DENND1B: variants seen among roughly 807,000 people sequenced by gnomAD.
DENND1B encodes DENN domain-containing protein 1B.
In DENND1B, 59 loss-of-function variants were observed where a neutral mutation model predicts 90.1. That is an observed-to-expected ratio of 0.65 (90% CI 0.53 to 0.81). The LOEUF is 0.81. DENND1B is among the 40% of genes least tolerant of loss of function. The pLI is 0.00. For missense variants in DENND1B, 862 were observed against 912.6 expected (o/e 0.94, Z 0.71); for synonymous variants, 337 against 324.6 (o/e 1.04, Z -0.41).
chr1:197,728,197 T>G (rs1400056243), intron 2 of DENND1B, among the ~76,000 whole-genome samples: 2 of 152,172 alleles, frequency 1.3e-5, no homozygotes, highest in Non-Finnish European at 2.9e-5. Context: ...TACAATTGTT[T>G]AAAAACTCCC....
upstream of DENND1B, among the ~76,000 whole-genome samples, chr1:197,780,616 T>C (rs548246118): frequency 6.6e-6 from 1 of 152,246 alleles, no homozygotes; most frequent in South Asian, 2.1e-4. Flanking sequence ...AGGTGGCTCT[T>C]GTAGCTACTT....
At chr1:197,682,206 TATTA>T (rs1656763085) in intron 3 of DENND1B, among the ~76,000 whole-genome samples, 1 of 152,060 alleles carries the variant, frequency 6.6e-6, no homozygotes, top group Non-Finnish European at 1.5e-5. Flanking sequence ...AGTGGCATAT[TATTA>T]ATTATTTATT....
chr1:197,640,629 C>G (rs1280053512), intron 10 of DENND1B, among the ~76,000 whole-genome samples: 1 of 152,086 alleles, frequency 6.6e-6, no homozygotes, highest in East Asian at 1.9e-4. Flanking sequence ...ATTGCTCCTA[C>G]TCTACACTTA....
At chr1:197,757,421 T>C (rs900171590) in intron 2 of DENND1B, 5 of 152,142 alleles carry the variant, frequency 3.3e-5, no homozygotes, top group Non-Finnish European at 7.3e-5. Context: ...AATAAGAACA[T>C]ATTGATCCCC....
chr1:197,555,766 T>C (rs561255700), intron 15 of DENND1B, among the ~76,000 whole-genome samples: 2 of 152,172 alleles, frequency 1.3e-5, no homozygotes, highest in East Asian at 3.9e-4. Flanking sequence ...AGAGTGCAAA[T>C]TAGTTCAGGC....
chr1:197,527,567 C>T (rs567503183), intron 20 of DENND1B, among the ~76,000 whole-genome samples: 1 of 152,166 alleles, frequency 6.6e-6, no homozygotes, highest in South Asian at 2.1e-4. Flanking sequence ...CAGGCATGAG[C>T]GACTGTGCCT....
intron 6 of DENND1B, among the ~76,000 whole-genome samples, chr1:197,657,040 C>T (rs1252473596): frequency 3.3e-5 from 5 of 151,832 alleles, no homozygotes; most frequent in Admixed American, 6.6e-5. Context: ...AAAGCACAGG[C>T]AACAAAAGAC....
chr1:197,652,742 T>C (rs893900302), intron 6 of DENND1B, among the ~76,000 whole-genome samples: 2 of 152,134 alleles, frequency 1.3e-5, no homozygotes, highest in East Asian at 1.9e-4. Flanking sequence ...AGAAACAATT[T>C]AAGTAAGATT....
At chr1:197,596,096 C>T (rs1401879575) in intron 13 of DENND1B, among the ~76,000 whole-genome samples, 3 of 151,904 alleles carry the variant, frequency 2.0e-5, no homozygotes, top group Admixed American at 6.6e-5. Flanking sequence ...AGTATCATTG[C>T]CTCATGAACC....
intron 3 of DENND1B, among the ~76,000 whole-genome samples, chr1:197,697,435 G>A (rs943534481): frequency 6.6e-6 from 1 of 151,396 alleles, no homozygotes; most frequent in African/African-American, 2.4e-5. Context: ...GCTACAATAG[G>A]GTATCACACT....
intron 2 of DENND1B, chr1:197,734,789 A>C: frequency 1.0e-6 from 1 of 983,670 alleles, no homozygotes; most frequent in Non-Finnish European, 1.2e-6. Context: ...TTTAGGAGAA[A>C]CATAAATATG....
chr1:197,540,911 A>C, intron 19 of DENND1B, 48 bp downstream of exon 19: 1 of 1,540,142 alleles, frequency 6.5e-7, no homozygotes, highest in South Asian at 1.2e-5. Context: ...TAAACTTCAA[A>C]CTAATACAAG....
intron 20 of DENND1B, among the ~76,000 whole-genome samples, chr1:197,525,403 C>T (rs1165823593): frequency 1.3e-5 from 2 of 151,824 alleles, no homozygotes; most frequent in African/African-American, 4.8e-5. Flanking sequence ...AGTCAGTAAC[C>T]CTTTGATAAA....
At chr1:197,716,536 AT>A (rs1278567160) in intron 2 of DENND1B, among the ~76,000 whole-genome samples, 2 of 151,870 alleles carry the variant, frequency 1.3e-5, no homozygotes, top group Non-Finnish European at 1.5e-5. Flanking sequence ...ATTAAAAAAA[AT>A]AGACATATAT....
intron 13 of DENND1B, among the ~76,000 whole-genome samples, chr1:197,602,459 G>A (rs1307698416): frequency 6.6e-6 from 1 of 151,478 alleles, no homozygotes; most frequent in Non-Finnish European, 1.5e-5. Context: ...TACTCTAGAA[G>A]CTGAATGAAT....
At chr1:197,610,037 A>G (rs1311783117) in intron 12 of DENND1B, among the ~76,000 whole-genome samples, 1 of 150,848 alleles carries the variant, frequency 6.6e-6, no homozygotes, top group East Asian at 1.9e-4. Context: ...CTTGTAATAG[A>G]TTAACAAGAA....
Position 197,694,352 on chromosome 1 carries a change from G to A in DENND1B, c.127-20183C>T, listed in dbSNP as rs887641809. 7.9e-5 allele frequency among the ~76,000 whole-genome samples: 12 copies of A among 151,318 alleles called. 1 individual carries two copies. The highest frequency in any genetic ancestry group is 1.7e-4 in the African/African-American group (7 of 41,330). ...ATTTTGCAAGACTTTATTTTCTACCGAGTAACATTTTAAATGCTACTCTTG... is the reference window on the plus strand; with the variant it reads ...ATTTTGCAAGACTTTATTTTCTACCAAGTAACATTTTAAATGCTACTCTTG... On this transcript the variant is annotated intron_variant, in intron 3 of 22. Coordinates refer to ENST00000620048, the MANE Select transcript of DENND1B (RefSeq NM_001195215.2).
intron 16 of DENND1B, among the ~76,000 whole-genome samples, chr1:197,551,101 ACACACACACACC>A (rs1220727697): frequency 3.3e-5 from 3 of 91,556 alleles, no homozygotes; most frequent in African/African-American, 7.8e-5. Flanking sequence ...ACACACACAC[ACACACACACACC>A]CCCTAGATAG....
intron 10 of DENND1B, among the ~76,000 whole-genome samples, chr1:197,628,778 C>T (rs2125890837): frequency 6.6e-6 from 1 of 152,114 alleles, no homozygotes; most frequent in South Asian, 2.1e-4. Flanking sequence ...ACCTACTCAT[C>T]TGACAAAGGG....
Sources: allele counts gnomAD v4.1 joint callset (sites outside exome capture counted in the v4.1 genomes callset), GRCh38; gene constraint gnomAD v4.1.1; transcripts MANE v1.5; gene names NCBI Gene and HGNC (gene_info 2026-07-23, HGNC 2026-07-21).